CFAP54: variants seen among roughly 807,000 people sequenced by gnomAD.
The protein encoded by CFAP54 is cilia- and flagella-associated protein 54.
A neutral mutation model predicts 370.4 loss-of-function variants in CFAP54; 290 were observed. The observed-to-expected ratio is 0.78, with a 90% CI of 0.71 to 0.86. The LOEUF is 0.86. CFAP54 is among the 40% of genes least tolerant of loss of function. The pLI is 0.00. For missense variants in CFAP54, 3,399 were observed against 3,528.7 expected (o/e 0.96, Z 0.93); for synonymous variants, 1,206 against 1,236.5 (o/e 0.98, Z 0.52).
At chr12:96,857,367 C>T (rs1463794261) in intron 66 of CFAP54, among the ~76,000 whole-genome samples, 2 of 152,146 alleles carry the variant, frequency 1.3e-5, no homozygotes, top group Admixed American at 1.3e-4. Flanking sequence ...ATTTAGCTTC[C>T]ACTTGTAAGT....
intron 67 of CFAP54, among the ~76,000 whole-genome samples, chr12:96,865,887 C>A (rs1309774002): frequency 6.6e-6 from 1 of 151,908 alleles, no homozygotes; most frequent in African/African-American, 2.4e-5. Context: ...TACATATGCC[C>A]AATTTTAGAA....
chr12:96,869,999 C>T (rs1383484934), intron 67 of CFAP54, among the ~76,000 whole-genome samples: 3 of 150,490 alleles, frequency 2.0e-5, no homozygotes, highest in African/African-American at 4.9e-5. Context: ...CATGGTGGCT[C>T]ACGCCTTTAA....
In CFAP54 at chr12:96,657,994, T is replaced by C. The variant is rs764377274; in HGVS notation, c.5213T>C (p.Val1738Ala). ...FEHPLDDVNV[V>A]DLKWIHDFVL... ...CATCCTTTGGATGATGTAAATGTGG[T>C]TGATTTGAAATGGATCCACGACTTT... is the stretch of plus-strand genomic sequence containing the variant. Residue 1738 changes from valine (V) to alanine (A), a missense_variant, in exon 37 of 68, where the codon GTT becomes GCT. By Grantham distance (64) the Val-to-Ala change is moderately conservative. Transcript: ENST00000524981. 6.2e-7 allele frequency: 1 copy of C among 1,613,826 alleles called. No homozygotes were observed. Among genetic ancestry groups the C allele is most frequent in the Non-Finnish European group, 8.5e-7 (1 of 1,179,802 alleles).
chr12:96,504,064 T>C, intron 3 of CFAP54, 35 bp downstream of exon 3: 1 of 1,471,068 alleles, frequency 6.8e-7, no homozygotes, highest in Non-Finnish European at 8.9e-7. Context: ...AGCTACAATT[T>C]ATGATTAGCT....
chr12:96,648,589 T>C (rs1956824230), intron 34 of CFAP54, among the ~76,000 whole-genome samples: 2 of 138,376 alleles, frequency 1.4e-5, no homozygotes, highest in South Asian at 5.1e-4. Context: ...TCTTTTTTTT[T>C]TTTTTTTTTT....
rs549521356 is a variant in CFAP54 at position 96,855,517 on chromosome 12, A to G, written c.9172-5302A>G. 1.6e-4 allele frequency among the ~76,000 whole-genome samples: 25 copies of G among 152,290 alleles called. No individual in the cohort carries two copies. In the South Asian group the frequency reaches 5.0e-3, roughly 30 times the overall value. ...CACTGGATAAATACACCCATTCCAA[A>G]TGGGAGAAATTGGCCAAAATAAAGG... On this transcript the variant is annotated intron_variant, in intron 66 of 67. Coordinates refer to ENST00000524981, the MANE Select transcript of CFAP54 (RefSeq NM_001306084.2).
At chr12:96,736,663 C>T (rs1255268321) in intron 50 of CFAP54, among the ~76,000 whole-genome samples, 5 of 151,938 alleles carry the variant, frequency 3.3e-5, no homozygotes, top group African/African-American at 1.2e-4. Flanking sequence ...TTTCAGTTAT[C>T]AAAGATACTA....
chr12:96,544,680 C>T (rs1298334618), intron 14 of CFAP54, among the ~76,000 whole-genome samples: 1 of 152,136 alleles, frequency 6.6e-6, no homozygotes, highest in Non-Finnish European at 1.5e-5. Context: ...AACAGACAGG[C>T]CTTGCTGGGT....
intron 45 of CFAP54, among the ~76,000 whole-genome samples, chr12:96,695,259 C>G (rs1957430746): frequency 6.6e-6 from 1 of 152,302 alleles, no homozygotes; most frequent in Non-Finnish European, 1.5e-5. Flanking sequence ...GAAATACTCT[C>G]TGCGTTTTGT....
chr12:96,756,352 A>G (rs1958256962), intron 56 of CFAP54, 106 bp from the exon 57 acceptor site: 1 of 647,842 alleles, frequency 1.5e-6, no homozygotes. Context: ...GACATACAAA[A>G]GGACAGCACA....
chr12:96,768,001 A>G (rs1475199672), intron 60 of CFAP54, among the ~76,000 whole-genome samples: 1 of 152,040 alleles, frequency 6.6e-6, no homozygotes, highest in Non-Finnish European at 1.5e-5. Flanking sequence ...GGCAATCAGA[A>G]CAGGCATATA....
At chr12:96,547,271 C>T (rs1021974269) in intron 14 of CFAP54, among the ~76,000 whole-genome samples, 5 of 152,122 alleles carry the variant, frequency 3.3e-5, no homozygotes, top group African/African-American at 4.8e-5. Flanking sequence ...CTGCAACCTC[C>T]GCCTCCCGGG....
chr12:96,644,249 G>A lies in CFAP54; in HGVS notation c.4388G>A (p.Ser1463Asn), dbSNP rs760567105. Residue 1463 changes from serine (S) to asparagine (N), a missense_variant, in exon 33 of 68, where the codon AGT becomes AAT. This residue lies in a region of CFAP54 where 2,796 missense variants were observed against 2,869.7 expected (regional missense o/e 0.97). Coordinates refer to ENST00000524981, the MANE Select transcript of CFAP54 (RefSeq NM_001306084.2). ...LMDYLNPLILSYVKRKRFHRL... is the reference protein window; with the variant it reads ...LMDYLNPLILNYVKRKRFHRL... ...GATTACTTGAATCCTCTAATATTAA[G>A]TTATGTTAAAAGAAAGAGGTTCCAT... 1.3e-6 allele frequency: 2 copies of A among 1,535,880 alleles called. No homozygotes were observed. Among genetic ancestry groups the A allele is most frequent in the African/African-American group, 1.4e-5 (1 of 73,140 alleles).
chr12:96,527,261 A>G lies in CFAP54; in HGVS notation c.1174A>G (p.Thr392Ala). 1 of 1,514,026 alleles carries G rather than the reference A, an allele frequency of 6.6e-7. No individual in the cohort carries two copies. The highest frequency in any genetic ancestry group is 2.5e-5 in the East Asian group (1 of 40,612). The allele number at this position is 1,514,026 out of a possible 1,614,324, so 93.8% of individuals were successfully genotyped here. A position where few individuals can be genotyped will look rare whatever the true frequency, so the allele number is the denominator to read the frequency against. Residue 392 changes from threonine (T) to alanine (A), a missense_variant, in exon 9 of 68, where the codon ACT (threonine) becomes GCT (alanine). Thr to Ala is a moderately conservative substitution (Grantham distance 58). Coordinates refer to ENST00000524981, the MANE Select transcript of CFAP54 (RefSeq NM_001306084.2). ...REVQTLSWPR[T>A]VTERLLDEMF... ...TCAATTTCAGTTATCATGGCCACGA[A>G]CTGTCACAGAGCGGCTACTGGATGA...
Position 96,521,859 on chromosome 12 carries a change from A to G in CFAP54, c.945A>G (p.Ala315=), listed in dbSNP as rs980799837. Residue 315 remains alanine (A), a splice_region_variant and synonymous_variant, in exon 7 of 68, where the codon GCA becomes GCG. Transcript: ENST00000524981. ...YDCHAGIHGE[A]FARRALAKID... ...AAATTTATTTTAATCACATGTAGGC[A>G]TTTGCTCGGCGTGCTTTGGCTAAAA... 3 of 1,523,240 alleles carry G rather than the reference A, an allele frequency of 2.0e-6. No homozygotes were observed. The highest frequency in any genetic ancestry group is 2.5e-5 in the East Asian group (1 of 40,608). The allele number at this position is 1,523,240 out of a possible 1,614,324, so 94.4% of individuals were successfully genotyped here.
At chr12:96,604,073 T>C (rs1159293202) in intron 26 of CFAP54, among the ~76,000 whole-genome samples, 2 of 152,240 alleles carry the variant, frequency 1.3e-5, no homozygotes, top group African/African-American at 4.8e-5. Context: ...TGCTCTGGTT[T>C]CTCCCCATCT....
intron 50 of CFAP54, among the ~76,000 whole-genome samples, chr12:96,725,468 C>T (rs1471434430): frequency 1.3e-5 from 2 of 151,952 alleles, no homozygotes; most frequent in African/African-American, 2.4e-5. Context: ...CATGATTTGG[C>T]TCTCTGTTTG....
chr12:96,614,315 C>A (rs1006707262), intron 26 of CFAP54, among the ~76,000 whole-genome samples: 2 of 152,072 alleles, frequency 1.3e-5, no homozygotes, highest in Admixed American at 6.6e-5. Context: ...ATTCAACAGC[C>A]CTTCATGCTA....
intron 59 of CFAP54, 128 bp downstream of exon 59, chr12:96,764,377 C>G: frequency 3.3e-6 from 2 of 609,304 alleles, no homozygotes; most frequent in East Asian, 3.2e-5. Context: ...TATCCCAGCA[C>G]TTTGGGAGGC....
Sources: allele counts gnomAD v4.1 joint callset (sites outside exome capture counted in the v4.1 genomes callset), GRCh38; gene constraint gnomAD v4.1.1; regional missense constraint gnomAD v4.1.1; transcripts MANE v1.5; gene names NCBI Gene and HGNC (gene_info 2026-07-23, HGNC 2026-07-21).